The following CARD10 variants were observed in gnomAD, a reference collection of about 807,000 sequenced individuals.
CARD10 encodes caspase recruitment domain-containing protein 10.
CARD10 carries 49 observed loss-of-function variants against 114.6 expected under a neutral mutation model. That is an observed-to-expected ratio of 0.43 (90% CI 0.34 to 0.54). The LOEUF (loss-of-function observed/expected upper bound fraction) is 0.54, where lower values mean the gene tolerates loss of function less well. CARD10 is among the 20% of genes least tolerant of loss of function. The pLI, the probability that CARD10 is intolerant of heterozygous loss-of-function variation, is 0.03. For missense variants in CARD10, 1,206 were observed against 1,397.2 expected, an observed-to-expected ratio of 0.86 and a Z score of 2.18; for synonymous variants, 602 against 593.2, an observed-to-expected ratio of 1.01 and a Z score of -0.21.
chr22:37,503,908 G>A (rs1955908347), intron 9 of CARD10: 2 of 583,666 alleles, frequency 3.4e-6, no homozygotes, highest in African/African-American at 1.9e-5. Context: ...GCTTCTCCTT[G>A]GGTATAGGAT....
chr22:37,502,515 G>A (rs1923251016), intron 11 of CARD10, 87 bp downstream of exon 11: 3 of 1,437,600 alleles, frequency 2.1e-6, no homozygotes, highest in Non-Finnish European at 9.4e-7. Flanking sequence ...CATAAAACAG[G>A]GGCGAGGCAA....
At chr22:37,516,385 T>G in intron 2 of CARD10, 87 bp from the exon 3 acceptor site, 3 of 934,686 alleles carry the variant, frequency 3.2e-6, no homozygotes, top group Non-Finnish European at 4.6e-6. Flanking sequence ...ACTCAAACCA[T>G]AAAAACACTA....
At position 37,495,985 on chromosome 22, in the gene CARD10, T is replaced by A. The variant is rs1922990326; in HGVS notation, c.2078A>T (p.Glu693Val). The A allele has an allele frequency of 1.2e-6, 2 of 1,613,848 alleles. No homozygotes were observed. Among genetic ancestry groups the A allele is most frequent in the East Asian group, 4.5e-5 (2 of 44,870 alleles). The part of the protein sequence containing the change: ...MDSKACQSFH[E>V]ALEAWAKGPG... ...TCCCTTTGCCCAGGCTTCTAGGGCC[T>A]CGTGGAAGGACTGGCAGGCTGGGCA... Residue 693 changes from glutamate to valine, a missense_variant, in exon 14 of 20, where the codon GAG (glutamate) becomes GTG (valine). This residue lies in a region of CARD10 where 1,068 missense variants were observed against 1,179.1 expected (regional missense o/e 0.91). Transcript: ENST00000251973.
chr22:37,517,949 C>T (rs1234627392), intron 2 of CARD10, 22 bp downstream of exon 2: 1 of 1,607,524 alleles, frequency 6.2e-7, no homozygotes, highest in Admixed American at 1.7e-5. Context: ...GAGGTGCCAG[C>T]ATCCACCGCA....
In CARD10 at chr22:37,491,160, C is replaced by G; in HGVS notation, c.3098G>C (p.Ter1033SerextTer20). 6.4e-7 allele frequency: 1 copy of G among 1,554,322 alleles called. No homozygotes were observed. Among genetic ancestry groups the G allele is most frequent in the Non-Finnish European group, 8.7e-7 (1 of 1,149,978 alleles). Residue 1033 changes from the stop codon to serine, a stop_lost, in exon 20 of 20, where the codon TGA becomes TCA. Coordinates refer to ENST00000251973, the MANE Select transcript of CARD10 (RefSeq NM_014550.4). ...SRGCPSSSEA[*>S] ...GAAGGTGCAGGTATCAGATGAGCCT[C>G]AGGCCTCACTGCTGCTGGGGCAGCC...
Position 37,508,658 on chromosome 22 carries a change from C to A in CARD10, c.934G>T (p.Gly312Cys). The stretch of plus-strand genomic sequence containing the variant: ...ATGTCCAGCAGGATGCGCTCGGAGC[C>A]CGGGGCCCCCGGCCGGCTCGCCTCC... ...QQEASRPGAP[G>C]SERILLDILE... Residue 312 changes from glycine to cysteine, a missense_variant, in exon 5 of 20, where the codon GGC (glycine) becomes TGC (cysteine). Physicochemically the swap from Gly to Cys is radical, Grantham distance 159 (BLOSUM62 -3). Coordinates refer to ENST00000251973, the MANE Select transcript of CARD10 (RefSeq NM_014550.4). The A allele has an allele frequency of 6.4e-7, 1 of 1,573,652 alleles. No individual in the cohort carries two copies.
intron 15 of CARD10, 105 bp from the exon 16 acceptor site, chr22:37,494,293 G>T: frequency 1.4e-6 from 1 of 727,378 alleles, no homozygotes. Context: ...TGCCACTGTG[G>T]TCCAGGCTTG....
Position 37,509,122 on chromosome 22 carries a change from C to T in CARD10, c.910-440G>A, listed in dbSNP as rs9622629. The T allele has an allele frequency of 2.9e-3, 4,293 of 1,502,870 alleles. 122 individuals carry two copies. The African/African-American group carries it at 0.055, about 19-fold the overall frequency. 93.1% of individuals were successfully genotyped at this position (1,502,870 alleles called of 1,614,324 possible). On this transcript the variant is annotated intron_variant, in intron 4 of 19. Coordinates refer to ENST00000251973, the MANE Select transcript of CARD10 (RefSeq NM_014550.4). ...GGTAGACCCTGGGCCCAAGATCTTG[C>T]CCCCAGACCCACACCCCAGCCAAGT... is the stretch of plus-strand genomic sequence containing the variant.
At chr22:37,506,170 T>TTCCTGCCAGGACC (rs763140608) in intron 7 of CARD10, 22 bp downstream of exon 7, 1 of 1,432,060 alleles carries the variant, frequency 7.0e-7, no homozygotes, top group Non-Finnish European at 9.1e-7. Flanking sequence ...TGCCAGGACC[T>TTCCTGCCAGGACC]CCACAATCTT....
rs548583930 is a variant in CARD10, at chr22:37,490,811, A to G, written c.*348T>C. On this transcript the variant is annotated 3_prime_UTR_variant, in exon 20 of 20. Coordinates refer to ENST00000251973, the MANE Select transcript of CARD10 (RefSeq NM_014550.4). ...CAGCGGGACAGACCTGAGCCTGCCC[A>G]TGAGAACTTGAGTGTGCAAACCTGC... 2.7e-5 allele frequency: 7 copies of G among 263,824 alleles called. No individual in the cohort carries two copies. The South Asian group carries it at 4.6e-4, about 18-fold the overall frequency. The allele number at this position is 263,824 out of a possible 1,614,324, so 16.3% of individuals were successfully genotyped here.
At position 37,496,775 on chromosome 22, in the gene CARD10, CT is replaced by C; in HGVS notation, c.1948-216del. The C allele has an allele frequency of 1.6e-6, 1 of 630,852 alleles. No individual in the cohort carries two copies. Among genetic ancestry groups the C allele is most frequent in the Non-Finnish European group, 2.7e-6 (1 of 366,962 alleles). The allele number at this position is 630,852 out of a possible 1,614,324, so 39.1% of individuals were successfully genotyped here. A position where few individuals can be genotyped will look rare whatever the true frequency, so the allele number is the denominator to read the frequency against. On this transcript the variant is annotated intron_variant, in intron 12 of 19. Transcript: ENST00000251973. This position sits in a 1 kb window ranked among gnomAD's most constrained non-coding sequence, Gnocchi z 4.1. ...CCCAACCCGCCCAGCTCATCCAGGT[CT>C]TTCTCGACTTGAAGCGCAGGAATGT...
chr22:37,505,844 A>G (rs1177013691), intron 7 of CARD10, among the ~76,000 whole-genome samples: 1 of 152,122 alleles, frequency 6.6e-6, no homozygotes. Context: ...AGTCCTGACT[A>G]GCTGGTCTCT....
At position 37,512,455 on chromosome 22, in the gene CARD10, AG is replaced by A. The variant is rs1413674828; in HGVS notation, c.700-2035del. On this transcript the variant is annotated intron_variant, in intron 3 of 19. Transcript: ENST00000251973. ...CCCAGCCTTGAGAGGTTAGAATGGC[AG>A]CCCCCCCTCCACACACACACACACA... 1.1e-3 allele frequency among the ~76,000 whole-genome samples: 136 copies of A among 129,210 alleles called. 2 individuals are homozygous for A. Among genetic ancestry groups the A allele is most frequent in the African/African-American group, 2.3e-3 (82 of 35,044 alleles). 84.8% of individuals were successfully genotyped at this position (129,210 alleles called of 152,430 possible). A position where few individuals can be genotyped will look rare whatever the true frequency, so the allele number is the denominator to read the frequency against.
Position 37,498,659 on chromosome 22 carries a change from C to A in CARD10, c.1788-1481G>T, listed in dbSNP as rs1923096436. Among the ~76,000 whole-genome samples, 3 of 152,276 alleles carry A rather than the reference C, an allele frequency of 2.0e-5. No individual in the cohort carries two copies. In the South Asian group the frequency reaches 6.2e-4, roughly 32 times the overall value. On this transcript the variant is annotated intron_variant, in intron 11 of 19. Transcript: ENST00000251973. ...GGCCGAGGGGCTGGACAGATGCAGG[C>A]ATGGGAGGCATCATTCAGTGCCGCA...
chr22:37,500,178 T>C (rs924116698), intron 11 of CARD10, among the ~76,000 whole-genome samples: 2 of 152,134 alleles, frequency 1.3e-5, no homozygotes, highest in African/African-American at 4.8e-5. Flanking sequence ...GACAACCCGA[T>C]GGTTGAGATA....
Position 37,491,764 on chromosome 22 carries a change from C to G in CARD10, c.2855G>C (p.Arg952Pro). 1 of 1,596,290 alleles carries G rather than the reference C, an allele frequency of 6.3e-7. No individual in the cohort carries two copies. The highest frequency in any genetic ancestry group is 8.6e-7 in the Non-Finnish European group (1 of 1,167,648). The stretch of plus-strand genomic sequence containing the variant: ...CACCCACCCACCTCACCTGACTTCC[C>G]GGACATTCTTCTCAGTCACCTCCAC... ...IHVEVTEKNVREVRGLLGRPG... is the reference protein window; with the variant it reads ...IHVEVTEKNVPEVRGLLGRPG... Residue 952 changes from arginine to proline, a missense_variant, in exon 19 of 20, where the codon CGG becomes CCG. Around this residue, in one of 2 missense-constraint regions of CARD10, gnomAD observed 1,068 missense variants for 1,179.1 expected, o/e 0.91. Transcript: ENST00000251973.
intron 3 of CARD10, chr22:37,514,864 A>G (rs901435431): frequency 6.6e-6 from 1 of 152,316 alleles, no homozygotes; most frequent in African/African-American, 2.4e-5. Context: ...TGGCAGTCAA[A>G]TACTGGTATT....
At chr22:37,516,869 A>C (rs1448869526) in intron 2 of CARD10, among the ~76,000 whole-genome samples, 1 of 152,250 alleles carries the variant, frequency 6.6e-6, no homozygotes, top group Non-Finnish European at 1.5e-5. Context: ...TTATTTACCC[A>C]AGGTTTAATA....
At chr22:37,495,617 AAAG>A (rs1922974821) in intron 14 of CARD10, 31 bp from the exon 15 acceptor site, 1 of 1,612,692 alleles carries the variant, frequency 6.2e-7, no homozygotes, top group Non-Finnish European at 8.5e-7. Context: ...ATGTGTGTAG[AAAG>A]AAGGAAAGCT....
Sources: gnomAD v4.1 joint callset for allele counts (sites outside exome capture counted in the v4.1 genomes callset) on GRCh38, gnomAD v4.1.1 for gene constraint, gnomAD v4.1.1 regional missense constraint, Gnocchi (gnomAD v3.1) non-coding constraint, MANE v1.5 for transcripts, NCBI Gene and HGNC (gene_info 2026-07-23, HGNC 2026-07-21) for gene names.